The following SLC16A2 variants were observed in gnomAD, a reference collection of about 807,000 sequenced individuals.
SLC16A2 encodes the protein monocarboxylate transporter 8.
A neutral mutation model predicts 27.2 loss-of-function variants in SLC16A2; 3 were observed. The observed-to-expected ratio is 0.11, with a 90% CI of 0.05 to 0.28. The LOEUF is 0.28. Ranked by LOEUF, SLC16A2 falls within the 10% of genes least tolerant of loss-of-function variation. The pLI, the probability that SLC16A2 is intolerant of heterozygous loss-of-function variation, is 1.00. For synonymous variants in SLC16A2, 202 were observed against 187.8 expected, an observed-to-expected ratio of 1.08 and a Z score of -0.62; for missense variants, 295 against 458.5, an observed-to-expected ratio of 0.64 and a Z score of 3.26.
chrX:74,501,793 G>A (rs1930042476), intron 1 of SLC16A2, among the ~76,000 whole-genome samples: 1 of 111,115 alleles, frequency 9.0e-6, no homozygotes, highest in Admixed American at 9.5e-5. Context: ...AAACATTTTT[G>A]GAGTCCTGTG....
At chrX:74,513,156 AG>A (rs1220955015) in intron 1 of SLC16A2, among the ~76,000 whole-genome samples, 1 of 112,380 alleles carries the variant, frequency 8.9e-6, no homozygotes, top group Admixed American at 9.4e-5. Context: ...TTTATTAGTC[AG>A]GAATCAGATA....
intron 1 of SLC16A2, among the ~76,000 whole-genome samples, chrX:74,441,645 TTTCCA>T (rs1389073245): frequency 9.0e-6 from 1 of 111,119 alleles, no homozygotes; most frequent in Admixed American, 9.5e-5. Flanking sequence ...CAGTGGAAAC[TTTCCA>T]GGGCTTTGAA....
chrX:74,508,149 T>C (rs1327162334), intron 1 of SLC16A2, among the ~76,000 whole-genome samples: 1 of 112,253 alleles, frequency 8.9e-6, no homozygotes, highest in Admixed American at 9.4e-5. Context: ...AACGAGATAA[T>C]ATAAGTATTC....
rs187275320 is a variant in SLC16A2, at chrX:74,452,014, T to A, written c.430+29947T>A. Among the ~76,000 whole-genome samples, 24 of 112,814 alleles carry A rather than the reference T, an allele frequency of 2.1e-4. 1 individual carries two copies. In the South Asian group the frequency reaches 8.8e-3, roughly 41 times the overall value. ...TTCGAGAAGGGAAAAGTTCAATGAC[T>A]GTCCGCTATCAGAGCACAATACGAG... On this transcript the variant is annotated intron_variant, in intron 1 of 5. Transcript: ENST00000587091.
In SLC16A2 at chrX:74,421,568, C is replaced by T. The variant is rs775847360; in HGVS notation, c.-70C>T. On this transcript the variant is annotated 5_prime_UTR_variant, in exon 1 of 6. Transcript: ENST00000587091. Reference sequence around the variant, plus strand: ...GCAGCCCTCCGAGCAGCAGCAGCTGCAGCAGCAGAAACAAGTACCAGCCAC... The same window carrying T: ...GCAGCCCTCCGAGCAGCAGCAGCTGTAGCAGCAGAAACAAGTACCAGCCAC... 20 of 1,155,703 alleles carry T rather than the reference C, an allele frequency of 1.7e-5. No homozygotes were observed. In the East Asian group the frequency reaches 6.1e-4, roughly 35 times the overall value.
At chrX:74,422,661 G>C (rs1928330154) in intron 1 of SLC16A2, among the ~76,000 whole-genome samples, 1 of 112,094 alleles carries the variant, frequency 8.9e-6, no homozygotes, top group African/African-American at 3.2e-5. Flanking sequence ...GAGGGAGTTC[G>C]AGTCGGGGTG....
chrX:74,471,190 G>T (rs764302313), intron 1 of SLC16A2, among the ~76,000 whole-genome samples: 3 of 111,711 alleles, frequency 2.7e-5, no homozygotes, highest in African/African-American at 9.7e-5. Context: ...ATTGAAATTT[G>T]CTTTTATATT....
intron 1 of SLC16A2, among the ~76,000 whole-genome samples, chrX:74,471,820 C>G (rs897915386): frequency 1.8e-5 from 2 of 111,714 alleles, no homozygotes; most frequent in Non-Finnish European, 3.8e-5. Context: ...CTTCTCAGTC[C>G]TTGGCAACCA....
intron 1 of SLC16A2, among the ~76,000 whole-genome samples, chrX:74,481,800 T>G (rs1929626029): frequency 9.3e-6 from 1 of 107,823 alleles, no homozygotes; most frequent in African/African-American, 3.4e-5. Context: ...ATTAGGTTAT[T>G]GATTTGAGAT....
rs778264530 is a variant in SLC16A2, at chrX:74,433,479, C to A, written c.430+11412C>A. ...ATCACCCAAGCCATAAGCATAGTAC[C>A]CAACAAGTGGTCCTTCAGCCCATGC... On this transcript the variant is annotated intron_variant, in intron 1 of 5. Coordinates refer to ENST00000587091, the MANE Select transcript of SLC16A2 (RefSeq NM_006517.5). Among the ~76,000 whole-genome samples, 4 of 111,059 alleles carry A rather than the reference C, an allele frequency of 3.6e-5. No individual in the cohort carries two copies. In the Admixed American group the frequency reaches 3.8e-4, roughly 11 times the overall value.
At chrX:74,426,768 C>T (rs2147835708) in intron 1 of SLC16A2, among the ~76,000 whole-genome samples, 1 of 112,525 alleles carries the variant, frequency 8.9e-6, no homozygotes, top group East Asian at 2.8e-4. Flanking sequence ...CATTTTGACT[C>T]ATTTAAGTAA....
intron 1 of SLC16A2, among the ~76,000 whole-genome samples, chrX:74,511,007 G>C (rs1396749998): frequency 9.1e-6 from 1 of 109,855 alleles, no homozygotes; most frequent in Non-Finnish European, 1.9e-5. Context: ...GGAGCTTGAG[G>C]CTGCAGTGAG....
At chrX:74,483,547 C>A (rs1929663951) in intron 1 of SLC16A2, among the ~76,000 whole-genome samples, 1 of 110,751 alleles carries the variant, frequency 9.0e-6, no homozygotes, top group Non-Finnish European at 1.9e-5. Context: ...TAGACAAAAA[C>A]TTCTTCACTC....
intron 2 of SLC16A2, among the ~76,000 whole-genome samples, chrX:74,523,103 C>A (rs779133219): frequency 6.2e-5 from 7 of 112,292 alleles, no homozygotes; most frequent in East Asian, 5.6e-4. Flanking sequence ...TTGGATAAGG[C>A]CCCCAAGCCA....
rs185026862 is a variant in SLC16A2 at position 74,429,504 on chromosome X, G to C, written c.430+7437G>C. On this transcript the variant is annotated intron_variant, in intron 1 of 5. Transcript: ENST00000587091. ...AAAAAAAGTGCCTTCAGGGAGGGTGGAGGTGGGGGAGTGAAGCTCCCAGTT... is the reference window on the plus strand; with the variant it reads ...AAAAAAAGTGCCTTCAGGGAGGGTGCAGGTGGGGGAGTGAAGCTCCCAGTT... Among the ~76,000 whole-genome samples the C allele has an allele frequency of 3.6e-5, 4 of 110,446 alleles. No homozygotes were observed. The South Asian group carries it at 1.6e-3, about 43-fold the overall frequency.
chrX:74,428,698 G>A (rs745875693), intron 1 of SLC16A2, among the ~76,000 whole-genome samples: 2 of 111,017 alleles, frequency 1.8e-5, no homozygotes, highest in South Asian at 7.7e-4. Context: ...GCACTCAAGA[G>A]TGTGGAAGCC....
At position 74,475,450 on chromosome X, in the gene SLC16A2, A is replaced by G. The variant is rs1287042657; in HGVS notation, c.431-45540A>G. 2.2e-4 allele frequency among the ~76,000 whole-genome samples: 24 copies of G among 107,055 alleles called. No individual in the cohort carries two copies. In the Admixed American group the frequency reaches 2.4e-3, roughly 11 times the overall value. 93.0% of individuals were successfully genotyped at this position (107,055 alleles called of 115,157 possible). ...TAGGTTGCCTGTTCACTCTGATGGT[A>G]GTTTCTTTTGCTGTGCAGAAGCTCT... On this transcript the variant is annotated intron_variant, in intron 1 of 5. Coordinates refer to ENST00000587091, the MANE Select transcript of SLC16A2 (RefSeq NM_006517.5).
At chrX:74,497,220 G>T (rs187691319) in intron 1 of SLC16A2, among the ~76,000 whole-genome samples, 2 of 111,848 alleles carry the variant, frequency 1.8e-5, no homozygotes, top group Non-Finnish European at 3.8e-5. Context: ...CAGGGGCCAG[G>T]ACCTTAACCC....
intron 1 of SLC16A2, among the ~76,000 whole-genome samples, chrX:74,520,630 C>T (rs944262523): frequency 9.0e-6 from 1 of 111,600 alleles, no homozygotes; most frequent in Non-Finnish European, 1.9e-5. Context: ...TTAGTCTTAT[C>T]GTCTTCACAG....
Sources: gnomAD v4.1 joint callset for allele counts (sites outside exome capture counted in the v4.1 genomes callset) on GRCh38, gnomAD v4.1.1 for gene constraint, MANE v1.5 for transcripts, NCBI Gene and HGNC (gene_info 2026-07-23, HGNC 2026-07-21) for gene names.